The following RIMS2 variants were observed in gnomAD, a reference collection of about 807,000 sequenced individuals.
RIMS2 encodes the protein regulating synaptic membrane exocytosis 2, also known as regulating synaptic membrane exocytosis protein 2.
A neutral mutation model predicts 174.4 loss-of-function variants in RIMS2; 59 were observed. The observed-to-expected ratio is 0.34, with a 90% CI of 0.27 to 0.42. The LOEUF (loss-of-function observed/expected upper bound fraction) is 0.42, where lower values mean the gene tolerates loss of function less well. RIMS2 is among the 10% of genes least tolerant of loss of function. The pLI is 1.00. For synonymous variants in RIMS2, 606 were observed against 572.5 expected (o/e 1.06, Z -0.84); for missense variants, 1,620 against 1,666.3 (o/e 0.97, Z 0.48).
intron 1 of RIMS2, among the ~76,000 whole-genome samples, chr8:103,582,391 G>A (rs2093668472): frequency 6.6e-6 from 1 of 152,126 alleles, no homozygotes; most frequent in South Asian, 2.1e-4. Flanking sequence ...AACTCCTTCT[G>A]CTTGAGAAAA....
intron 19 of RIMS2, among the ~76,000 whole-genome samples, chr8:104,096,875 CAAAAAA>C (rs34215707): frequency 7.6e-6 from 1 of 131,138 alleles, no homozygotes; most frequent in African/African-American, 2.8e-5. Flanking sequence ...CGCCCCCCAC[CAAAAAA>C]AAAAAAAGAA....
intron 3 of RIMS2, among the ~76,000 whole-genome samples, chr8:103,824,346 A>G (rs956367129): frequency 6.6e-6 from 1 of 152,166 alleles, no homozygotes. Context: ...AGTAAAATGA[A>G]TTCATTTCAT....
chr8:103,801,671 A>G (rs2098608868), intron 3 of RIMS2, among the ~76,000 whole-genome samples: 2 of 152,110 alleles, frequency 1.3e-5, no homozygotes, highest in Admixed American at 6.5e-5. Context: ...TTCATCTGAG[A>G]TATTCAATCA....
At position 103,607,635 on chromosome 8, in the gene RIMS2, C is replaced by A. The variant is rs568346003; in HGVS notation, c.177-89451C>A. On this transcript the variant is annotated intron_variant, in intron 1 of 23. Coordinates refer to ENST00000504942, the Ensembl canonical transcript of RIMS2. ...CCATTCTCCCCATCACTTTCAGGTA[C>A]ACCAATCAGACGTAGATTTGGTCTT... 2.8e-5 allele frequency among the ~76,000 whole-genome samples: 4 copies of A among 142,366 alleles called. No homozygotes were observed. In the East Asian group the frequency reaches 7.8e-4, roughly 28 times the overall value. The allele number at this position is 142,366 out of a possible 152,430, so 93.4% of individuals were successfully genotyped here. A position where few individuals can be genotyped will look rare whatever the true frequency, so the allele number is the denominator to read the frequency against.
intron 19 of RIMS2, among the ~76,000 whole-genome samples, chr8:104,075,774 T>G (rs2097277083): frequency 6.6e-6 from 1 of 152,198 alleles, no homozygotes; most frequent in Non-Finnish European, 1.5e-5. Flanking sequence ...CTACATTACT[T>G]GGAAGTATTC....
chr8:104,136,387 T>A (rs888698448), intron 19 of RIMS2, among the ~76,000 whole-genome samples: 1 of 152,186 alleles, frequency 6.6e-6, no homozygotes, highest in Non-Finnish European at 1.5e-5. Flanking sequence ...GAATTTCCAA[T>A]TTTAAGAATT....
At chr8:103,732,299 G>A (rs1222834699) in intron 2 of RIMS2, among the ~76,000 whole-genome samples, 1 of 152,172 alleles carries the variant, frequency 6.6e-6, no homozygotes, top group Non-Finnish European at 1.5e-5. Context: ...CAAAGAAATG[G>A]AGCCTCTCTT....
intron 3 of RIMS2, among the ~76,000 whole-genome samples, chr8:103,787,224 C>G (rs1163176010): frequency 6.7e-6 from 1 of 150,274 alleles, no homozygotes; most frequent in African/African-American, 2.4e-5. Context: ...ACTCTTTATC[C>G]AATTTGCCAG....
intron 1 of RIMS2, among the ~76,000 whole-genome samples, chr8:103,535,652 G>A (rs1839411610): frequency 6.6e-6 from 1 of 152,126 alleles, no homozygotes; most frequent in Non-Finnish European, 1.5e-5. Context: ...CAACAATTTG[G>A]TGCATTTTGA....
chr8:104,224,532 G>A (rs918399172), intron 19 of RIMS2, among the ~76,000 whole-genome samples: 6 of 152,198 alleles, frequency 3.9e-5, no homozygotes, highest in African/African-American at 1.4e-4. Flanking sequence ...TAAATAGTAA[G>A]TAGTGTCCCA....
intron 16 of RIMS2, among the ~76,000 whole-genome samples, chr8:103,987,438 G>T (rs1242622420): frequency 6.6e-6 from 1 of 152,024 alleles, no homozygotes; most frequent in Admixed American, 6.5e-5. Flanking sequence ...GGCAGAAAAA[G>T]AATTTTATTG....
At chr8:104,048,024 T>G (rs1245295543) in intron 19 of RIMS2, among the ~76,000 whole-genome samples, 3 of 152,104 alleles carry the variant, frequency 2.0e-5, no homozygotes, top group African/African-American at 7.2e-5. Flanking sequence ...AAGCACAAAA[T>G]ATTTATTTCT....
intron 2 of RIMS2, among the ~76,000 whole-genome samples, chr8:103,730,406 T>C (rs983172881): frequency 5.3e-5 from 8 of 152,200 alleles, no homozygotes; most frequent in Admixed American, 4.6e-4. Flanking sequence ...ATTATATAAT[T>C]ACCTTCTTTG....
intron 19 of RIMS2, among the ~76,000 whole-genome samples, chr8:104,038,297 C>T (rs1597536376): frequency 6.6e-6 from 1 of 151,496 alleles, no homozygotes; most frequent in African/African-American, 2.4e-5. Context: ...CAAAAAATAC[C>T]GCACTTGTTT....
chr8:104,254,605 A>G (rs1457659387), downstream of RIMS2: 1 of 152,170 alleles, frequency 6.6e-6, no homozygotes, highest in Non-Finnish European at 1.5e-5. Context: ...TTAAAACGCC[A>G]AAGGATTTCT....
chr8:104,015,372 TTTTG>T (rs1368710467), intron 19 of RIMS2: 11 of 664,872 alleles, frequency 1.7e-5, no homozygotes, highest in South Asian at 4.9e-5. Context: ...TTGGTTCCCT[TTTTG>T]TTTGTTTGTT....
chr8:104,183,203 T>C (rs910018055), intron 19 of RIMS2, among the ~76,000 whole-genome samples: 11 of 151,876 alleles, frequency 7.2e-5, no homozygotes, highest in Admixed American at 2.0e-4. Context: ...TATGGCAGAA[T>C]TGATATAATT....
At chr8:103,774,873 A>G (rs558800746) in intron 3 of RIMS2, among the ~76,000 whole-genome samples, 3 of 152,306 alleles carry the variant, frequency 2.0e-5, no homozygotes, top group Admixed American at 6.5e-5. Context: ...TAAGATCTGT[A>G]TACTTTTAAC....
At chr8:104,024,129 G>A (rs72683155) in intron 19 of RIMS2, among the ~76,000 whole-genome samples, 19,455 of 152,130 alleles carry the variant, frequency 0.13, 1,700 homozygotes, top group Non-Finnish European at 0.19. Context: ...AATATCTAGA[G>A]CCGTGAGGAG....
Sources: allele counts gnomAD v4.1 joint callset (sites outside exome capture counted in the v4.1 genomes callset), GRCh38; gene constraint gnomAD v4.1.1; transcripts MANE v1.5; gene names NCBI Gene and HGNC (gene_info 2026-07-23, HGNC 2026-07-21).